The following ANKRD31 variants were observed in gnomAD, a reference collection of about 807,000 sequenced individuals.
ANKRD31 encodes the protein ankyrin repeat domain 31.
A neutral mutation model predicts 186.0 loss-of-function variants in ANKRD31; 147 were observed. That is an observed-to-expected ratio of 0.79 (90% CI 0.69 to 0.91). ANKRD31 has a LOEUF of 0.91. Among genes scored for constraint, ANKRD31 ranks in the 40% least tolerant of loss-of-function variants. The pLI is 0.00. For missense variants in ANKRD31, 1,986 were observed against 2,148.8 expected (o/e 0.92, Z 1.50); for synonymous variants, 673 against 736.4 (o/e 0.91, Z 1.39).
chr5:75,170,881 T>G (rs538524536), intron 10 of ANKRD31, among the ~76,000 whole-genome samples: 1 of 152,004 alleles, frequency 6.6e-6, no homozygotes, highest in Non-Finnish European at 1.5e-5. Flanking sequence ...TACCAAGCAA[T>G]AAAGACAGAC....
In ANKRD31 at chr5:75,118,132, T is replaced by A. The variant is rs964060115; in HGVS notation, c.4039+3A>T. On this transcript the variant is annotated splice_donor_region_variant and intron_variant, in intron 18 of 25. Coordinates refer to ENST00000506364, the MANE Select transcript of ANKRD31 (RefSeq NM_001372053.1). ...AAAATAGCAGCAATATTGATATACATACCATTGACTATAGCATCACTCTCA... is the reference window on the plus strand; with the variant it reads ...AAAATAGCAGCAATATTGATATACAAACCATTGACTATAGCATCACTCTCA... The A allele has an allele frequency of 6.9e-7, 1 of 1,441,366 alleles. No individual in the cohort carries two copies. The highest frequency in any genetic ancestry group is 3.0e-5 in the Admixed American group (1 of 32,854). The allele number at this position is 1,441,366 out of a possible 1,614,324, so 89.3% of individuals were successfully genotyped here.
chr5:75,140,234 A>AGAAGGAAGGAAGGAAG (rs146909283), intron 15 of ANKRD31, among the ~76,000 whole-genome samples: 2 of 101,770 alleles, frequency 2.0e-5, no homozygotes, highest in East Asian at 2.5e-4. Context: ...AAAGAAAGAA[A>AGAAGGAAGGAAGGAAG]GAAGGAAGGA....
intron 9 of ANKRD31, among the ~76,000 whole-genome samples, chr5:75,190,188 T>G (rs963123796): frequency 2.0e-5 from 3 of 151,854 alleles, no homozygotes; most frequent in Non-Finnish European, 4.4e-5. Flanking sequence ...CCCAGCTAAT[T>G]TTTTGCATTT....
chr5:75,112,113 AT>A (rs371520287), intron 20 of ANKRD31, among the ~76,000 whole-genome samples: 9 of 151,256 alleles, frequency 6.0e-5, no homozygotes, highest in African/African-American at 2.2e-4. Flanking sequence ...ATCTAGAAGT[AT>A]TTTTTTTTCT....
chr5:75,129,161 C>T (rs1173152385), intron 17 of ANKRD31, among the ~76,000 whole-genome samples: 1 of 152,046 alleles, frequency 6.6e-6, no homozygotes, highest in Non-Finnish European at 1.5e-5. Flanking sequence ...GTAGCATCAC[C>T]CCCTTCCCTC....
intron 10 of ANKRD31, among the ~76,000 whole-genome samples, chr5:75,177,103 C>T (rs7708531): frequency 0.46 from 69,313 of 151,916 alleles, 17,449 homozygotes; most frequent in African/African-American, 0.68. Flanking sequence ...CCTCAGTAAT[C>T]GATGCGATCA....
intron 10 of ANKRD31, among the ~76,000 whole-genome samples, chr5:75,172,359 T>C (rs1753394323): frequency 8.5e-6 from 1 of 118,122 alleles, no homozygotes; most frequent in Non-Finnish European, 1.7e-5. Flanking sequence ...TAGCATAAAC[T>C]CTATTTAAAA....
rs188256939 is a variant in ANKRD31 at position 75,077,838 on chromosome 5, T to C, written c.5647+2730A>G. Reference sequence around the variant, plus strand: ...TACTCGGGAGGCTGAGGCAGGAGAGTGGCATGAACCCGGGAGGCGGGAGGC... The same window carrying C: ...TACTCGGGAGGCTGAGGCAGGAGAGCGGCATGAACCCGGGAGGCGGGAGGC... On this transcript the variant is annotated intron_variant, in intron 25 of 25. Coordinates refer to ENST00000506364, the MANE Select transcript of ANKRD31 (RefSeq NM_001372053.1). Among the ~76,000 whole-genome samples, 1,081 of 140,946 alleles carry C rather than the reference T, an allele frequency of 7.7e-3. 9 individuals carry two copies. Among genetic ancestry groups the C allele is most frequent in the African/African-American group, 0.027 (1,018 of 37,104 alleles). The allele number at this position is 140,946 out of a possible 152,430, so 92.5% of individuals were successfully genotyped here.
Position 75,147,248 on chromosome 5 carries a change from G to A in ANKRD31, c.2163C>T (p.Asn721=), listed in dbSNP as rs1315089764. The A allele has an allele frequency of 6.5e-7, 1 of 1,536,078 alleles. No individual in the cohort carries two copies. Among genetic ancestry groups the A allele is most frequent in the Non-Finnish European group, 8.7e-7 (1 of 1,146,286 alleles). ...KGNLHNVKDP[N]TNVPKGIGRR... is the part of the protein sequence containing the mutation. ...TTCCTATACCTTTTGGTACGTTTGT[G>A]TTGGGATCTTTGACGTTATGGAGAT... Residue 721 remains asparagine, a synonymous_variant, in exon 14 of 26, where the codon AAC becomes AAT. Coordinates refer to ENST00000506364, the MANE Select transcript of ANKRD31 (RefSeq NM_001372053.1).
chr5:75,083,697 T>C (rs1745261418), intron 24 of ANKRD31, among the ~76,000 whole-genome samples: 1 of 151,232 alleles, frequency 6.6e-6, no homozygotes, highest in African/African-American at 2.4e-5. Context: ...GCCATTGCAC[T>C]CCAGCTTGGG....
At chr5:75,172,954 A>G (rs1753466104) in intron 10 of ANKRD31, among the ~76,000 whole-genome samples, 1 of 152,194 alleles carries the variant, frequency 6.6e-6, no homozygotes, top group Non-Finnish European at 1.5e-5. Flanking sequence ...TTTTAGACCA[A>G]TATCCCTGAT....
intron 11 of ANKRD31, among the ~76,000 whole-genome samples, chr5:75,156,932 T>C (rs961191640): frequency 2.0e-5 from 3 of 152,210 alleles, no homozygotes; most frequent in African/African-American, 7.2e-5. Flanking sequence ...CAGTTTGTGC[T>C]GGGTTATAGC....
intron 17 of ANKRD31, among the ~76,000 whole-genome samples, chr5:75,136,126 C>G (rs1045206840): frequency 2.0e-5 from 3 of 152,126 alleles, no homozygotes; most frequent in Non-Finnish European, 4.4e-5. Context: ...GACTAAATCA[C>G]CAAAAGCAAT....
intron 21 of ANKRD31, among the ~76,000 whole-genome samples, chr5:75,107,280 T>C (rs1303599024): frequency 1.3e-5 from 2 of 152,020 alleles, no homozygotes; most frequent in African/African-American, 4.8e-5. Context: ...TTCTCCACTG[T>C]AGACAACTTT....
intron 10 of ANKRD31, among the ~76,000 whole-genome samples, chr5:75,179,837 C>T (rs536930943): frequency 6.6e-6 from 1 of 152,272 alleles, no homozygotes; most frequent in African/African-American, 2.4e-5. Flanking sequence ...CAGGGATGCC[C>T]TCTCTCACCA....
At chr5:75,120,691 A>C (rs998739177) in intron 17 of ANKRD31, among the ~76,000 whole-genome samples, 1 of 152,070 alleles carries the variant, frequency 6.6e-6, no homozygotes, top group Admixed American at 6.6e-5. Flanking sequence ...GACGCAGAAG[A>C]AAAAAAATGA....
In ANKRD31 at chr5:75,137,879, C is replaced by A; in HGVS notation, c.3853G>T (p.Ala1285Ser). 3.9e-6 allele frequency: 6 copies of A among 1,529,850 alleles called. No individual in the cohort carries two copies. Among genetic ancestry groups the A allele is most frequent in the Non-Finnish European group, 4.4e-6 (5 of 1,143,580 alleles). 94.8% of individuals were successfully genotyped at this position (1,529,850 alleles called of 1,614,324 possible). A position where few individuals can be genotyped will look rare whatever the true frequency, so the allele number is the denominator to read the frequency against. The stretch of plus-strand genomic sequence containing the variant: ...ACCTTTAAATGATTGTTTGCAACAG[C>A]ATCATGTAAGGGCAGAATTCCATCT... ...NIDGILPLHDAVANNHLKAAE... is the reference protein window; with the variant it reads ...NIDGILPLHDSVANNHLKAAE... The change falls in exon 17 of 26, where the codon GCT (alanine) becomes TCT (serine). Residue 1285 changes from alanine to serine, a missense_variant. Physicochemically the swap from Ala to Ser is moderately conservative, Grantham distance 99. Coordinates refer to ENST00000506364, the MANE Select transcript of ANKRD31 (RefSeq NM_001372053.1).
chr5:75,107,544 C>T lies in ANKRD31; in HGVS notation c.4317G>A (p.Arg1439=). ...ACCTGTATTTTTTAGCCAGATCATC[C>T]CTTTCTGCTTTCTGCTTGGCAAGCA... The part of the protein sequence containing the change: ...DNVLAKQKAE[R]DDLAKKYRVS... Residue 1439 remains arginine, a synonymous_variant, in exon 21 of 26, where the codon AGG becomes AGA. Coordinates refer to ENST00000506364, the MANE Select transcript of ANKRD31 (RefSeq NM_001372053.1). The T allele has an allele frequency of 6.5e-7, 1 of 1,530,448 alleles. No homozygotes were observed. Among genetic ancestry groups the T allele is most frequent in the Non-Finnish European group, 8.7e-7 (1 of 1,143,220 alleles). The allele number at this position is 1,530,448 out of a possible 1,614,324, so 94.8% of individuals were successfully genotyped here.
Position 75,145,463 on chromosome 5 carries a change from C to T in ANKRD31, c.3424+524G>A, listed in dbSNP as rs551683231. ...GGACATGAATGAAGCTGGAAACCATCATTCTCAGCAAGCTAACACAGGAAC... is the reference window on the plus strand; with the variant it reads ...GGACATGAATGAAGCTGGAAACCATTATTCTCAGCAAGCTAACACAGGAAC... On this transcript the variant is annotated intron_variant, in intron 14 of 25. Coordinates refer to ENST00000506364, the MANE Select transcript of ANKRD31 (RefSeq NM_001372053.1). 3.4e-4 allele frequency among the ~76,000 whole-genome samples: 52 copies of T among 152,190 alleles called. 1 individual carries two copies. The highest frequency in any genetic ancestry group is 1.1e-3 in the African/African-American group (44 of 41,538).
Sources: gnomAD v4.1 joint callset for allele counts (sites outside exome capture counted in the v4.1 genomes callset) on GRCh38, gnomAD v4.1.1 for gene constraint, MANE v1.5 for transcripts, NCBI Gene and HGNC (gene_info 2026-07-23, HGNC 2026-07-21) for gene names.